Variants in FAN1 observed in about 807,000 individuals in gnomAD.
FAN1 encodes fanconi-associated nuclease 1.
FAN1 carries 91 observed loss-of-function variants against 104.9 expected under a neutral mutation model. The ratio of observed to expected loss-of-function variants is 0.87; its 90% CI spans 0.73 to 1.03. The LOEUF is 1.03. FAN1 is among the 50% of genes least tolerant of loss of function. FAN1 has a pLI of 0.00. For missense variants in FAN1, 1,263 were observed against 1,239.9 expected (o/e 1.02, Z -0.28); for synonymous variants, 478 against 457.6 (o/e 1.04, Z -0.57).
intron 13 of FAN1, among the ~76,000 whole-genome samples, chr15:30,931,525 C>G (rs1323695208): frequency 6.6e-6 from 1 of 152,164 alleles, no homozygotes; most frequent in Non-Finnish European, 1.5e-5. Context: ...AGAGTTTCTC[C>G]TTTGTTTTCT....
At chr15:30,935,965 G>C (rs947054505) in intron 13 of FAN1, among the ~76,000 whole-genome samples, 4 of 151,646 alleles carry the variant, frequency 2.6e-5, no homozygotes, top group African/African-American at 9.7e-5. Flanking sequence ...TTCAATCTTT[G>C]GGTTTACTGT....
chr15:30,909,499 T>C (rs1008561561), intron 3 of FAN1, among the ~76,000 whole-genome samples: 1 of 152,138 alleles, frequency 6.6e-6, no homozygotes, highest in African/African-American at 2.4e-5. Flanking sequence ...TGGTGCAGCT[T>C]CCGTAAATTC....
rs527985910 is a variant in FAN1 at position 30,941,361 on chromosome 15, T to C, written c.*4-205T>C. On this transcript the variant is annotated intron_variant, in intron 14 of 14. Transcript: ENST00000362065. ...TAAATATTAGTGCAAATTCCAACTA[T>C]TATTCTTACATATAAAGTTATTAGA... is the stretch of plus-strand genomic sequence containing the variant. 6 of 1,538,030 alleles carry C rather than the reference T, an allele frequency of 3.9e-6. No homozygotes were observed. In the East Asian group the frequency reaches 1.2e-4, roughly 31 times the overall value.
rs746922259 is a variant in FAN1, at chr15:30,905,659, A to G, written c.996A>G (p.Ala332=). 11 of 1,614,070 alleles carry G rather than the reference A, an allele frequency of 6.8e-6. No homozygotes were observed. In the Admixed American group the frequency reaches 1.3e-4, roughly 20 times the overall value. The stretch of plus-strand genomic sequence containing the variant: ...ATAGTTCTGCAGATGATGCTTCTGC[A>G]TGGAGTAACATCCAAGAGGCTCCTC... ...KSHSSADDAS[A]WSNIQEAPLQ... Residue 332 remains alanine (A), a synonymous_variant, in exon 2 of 15, where the codon GCA becomes GCG. Coordinates refer to ENST00000362065, the MANE Select transcript of FAN1 (RefSeq NM_014967.5).
rs115204082 is a variant in FAN1, at chr15:30,938,381, T to C, written c.*3+1122T>C. 8.7e-3 allele frequency among the ~76,000 whole-genome samples: 1,330 copies of C among 152,282 alleles called. 20 individuals are homozygous for C. The highest frequency in any genetic ancestry group is 0.03 in the African/African-American group (1,237 of 41,558). ...TAGGAATCAAAACATTCTCATGAAG[T>C]TGTGTTGATTTATAACATGTAAATG... is the stretch of plus-strand genomic sequence containing the variant. On this transcript the variant is annotated intron_variant, in intron 14 of 14. Coordinates refer to ENST00000362065, the MANE Select transcript of FAN1 (RefSeq NM_014967.5).
At chr15:30,908,465 T>C (rs1417032311) in intron 3 of FAN1, among the ~76,000 whole-genome samples, 7 of 152,212 alleles carry the variant, frequency 4.6e-5, no homozygotes, top group Non-Finnish European at 8.8e-5. Context: ...ACTAGAATAA[T>C]GAGAGATGGT....
intron 3 of FAN1, among the ~76,000 whole-genome samples, chr15:30,908,710 G>A (rs940827751): frequency 2.6e-5 from 4 of 152,176 alleles, no homozygotes; most frequent in Non-Finnish European, 2.9e-5. Flanking sequence ...GTGTGGTGGC[G>A]CATGCCTGTA....
chr15:30,911,562 C>T, intron 4 of FAN1: 2 of 967,678 alleles, frequency 2.1e-6, no homozygotes, highest in Non-Finnish European at 2.5e-6. Flanking sequence ...ATATAAATAC[C>T]AACACTTGAA....
chr15:30,918,073 T>C (rs750863865), intron 5 of FAN1, 91 bp from the exon 6 acceptor site: 9 of 1,319,832 alleles, frequency 6.8e-6, no homozygotes, highest in Non-Finnish European at 9.6e-6. Context: ...AACACACTTT[T>C]ACCTTTCAGA....
chr15:30,905,813 A>C lies in FAN1; in HGVS notation c.1150A>C (p.Lys384Gln). The C allele has an allele frequency of 6.2e-7, 1 of 1,614,220 alleles. No individual in the cohort carries two copies. The highest frequency in any genetic ancestry group is 1.1e-5 in the South Asian group (1 of 91,082). ...YYLRSFLVVL[K>Q]TVLENEDDML... ...CCTTCGGAGTTTCCTTGTGGTGCTGAAAACCGTACTTGAGAATGAAGATGA... is the reference window on the plus strand; with the variant it reads ...CCTTCGGAGTTTCCTTGTGGTGCTGCAAACCGTACTTGAGAATGAAGATGA... The change falls in exon 2 of 15, where the codon AAA becomes CAA. Residue 384 changes from lysine to glutamine, a missense_variant. Around this residue, in one of 2 missense-constraint regions of FAN1, gnomAD observed 682 missense variants for 571.1 expected, o/e 1.19. Transcript: ENST00000362065.
chr15:30,925,329 C>T (rs768150505), intron 9 of FAN1, 38 bp downstream of exon 9: 30 of 1,579,186 alleles, frequency 1.9e-5, no homozygotes, highest in South Asian at 3.4e-5. Flanking sequence ...GACTTAGGCG[C>T]GTGTACCTGG....
chr15:30,905,601 A>C lies in FAN1; in HGVS notation c.938A>C (p.Lys313Thr). 2 of 1,614,120 alleles carry C rather than the reference A, an allele frequency of 1.2e-6. No homozygotes were observed. The highest frequency in any genetic ancestry group is 1.7e-6 in the Non-Finnish European group (2 of 1,179,956). Residue 313 changes from lysine to threonine, a missense_variant, in exon 2 of 15, where the codon AAA (lysine) becomes ACA (threonine). By Grantham distance (78) the Lys-to-Thr change is moderately conservative. Around this residue, in one of 2 missense-constraint regions of FAN1, gnomAD observed 682 missense variants for 571.1 expected, o/e 1.19. Transcript: ENST00000362065. ...AAAATGACTGTTGCTTCAGAAGCTA[A>C]AATACAGCTGTCAGATTCAGAGGCA... The part of the protein sequence containing the change: ...EVKMTVASEA[K>T]IQLSDSEAKS...
In FAN1 at chr15:30,925,904, C is replaced by T; in HGVS notation, c.2453C>T (p.Ala818Val). ...TTVLCSVEEL[A>V]LAHYRRSGFD... is the part of the protein sequence containing the mutation. The stretch of plus-strand genomic sequence containing the variant: ...GTCCTGTGCTCTGTGGAGGAGCTGG[C>T]ACTGGCCCATTACAGACGCAGCGGT... The change falls in exon 10 of 15, where the codon GCA (alanine) becomes GTA (valine). Residue 818 changes from alanine (A) to valine (V), a missense_variant. By Grantham distance (64) the Ala-to-Val change is moderately conservative. Transcript: ENST00000362065. The T allele has an allele frequency of 6.2e-7, 1 of 1,614,230 alleles. No individual in the cohort carries two copies. Among genetic ancestry groups the T allele is most frequent in the Non-Finnish European group, 8.5e-7 (1 of 1,180,046 alleles).
chr15:30,924,333 T>A (rs2062406819), intron 8 of FAN1, among the ~76,000 whole-genome samples: 1 of 152,168 alleles, frequency 6.6e-6, no homozygotes, highest in Non-Finnish European at 1.5e-5. Context: ...TGGTTTCAAT[T>A]CTTTTGGGAA....
In FAN1 at chr15:30,910,727, GTGGACGCC is replaced by G. The variant is rs1296389740; in HGVS notation, c.1491_1498del (p.Asp498SerfsTer16). ...TCCCAATGGACAGAAACAGCAGCTG[GTGGACGCC>G]TTTCTCAAATTGGCCAAACAGCGTT... On this transcript the variant is annotated frameshift_variant, in exon 4 of 15. Transcript: ENST00000362065. LOFTEE classifies it high-confidence loss of function. The G allele has an allele frequency of 1.2e-6, 2 of 1,614,110 alleles. No individual in the cohort carries two copies. The highest frequency in any genetic ancestry group is 2.2e-5 in the South Asian group (2 of 91,082).
At position 30,942,657 on chromosome 15, in the gene FAN1, G is replaced by T; in HGVS notation, c.*1095G>T. The T allele has an allele frequency of 4.1e-6, 2 of 485,450 alleles. No individual in the cohort carries two copies. Among genetic ancestry groups the T allele is most frequent in the Non-Finnish European group, 7.2e-6 (2 of 279,108 alleles). The allele number at this position is 485,450 out of a possible 1,614,324, so 30.1% of individuals were successfully genotyped here. ...AATGGGGCTTTAGTAAATCAGGCTT[G>T]CAGGCTCAAAGCTGCAATCTGCCCA... is the stretch of plus-strand genomic sequence containing the variant. On this transcript the variant is annotated 3_prime_UTR_variant, in exon 15 of 15. Coordinates refer to ENST00000362065, the MANE Select transcript of FAN1 (RefSeq NM_014967.5).
intron 14 of FAN1, among the ~76,000 whole-genome samples, chr15:30,937,595 G>C (rs1356479246): frequency 1.3e-5 from 2 of 151,566 alleles, no homozygotes; most frequent in African/African-American, 4.8e-5. Context: ...GGGACTACAG[G>C]TGTGCGCCAC....
At chr15:30,922,437 T>TTTACATGTTCTAA in intron 8 of FAN1, 83 bp downstream of exon 8, 12 of 1,337,992 alleles carry the variant, frequency 9.0e-6, no homozygotes, top group Non-Finnish European at 1.2e-5. Flanking sequence ...TGCCTTAAAA[T>TTTACATGTTCTAA]TTACATGTAA....
intron 13 of FAN1, among the ~76,000 whole-genome samples, chr15:30,931,140 T>C (rs1206802201): frequency 1.3e-5 from 2 of 152,196 alleles, no homozygotes; most frequent in Non-Finnish European, 2.9e-5. Flanking sequence ...TTAGTTCACA[T>C]TGCATGCCTG....
Sources: gnomAD v4.1 joint callset for allele counts (sites outside exome capture counted in the v4.1 genomes callset) on GRCh38, gnomAD v4.1.1 for gene constraint, gnomAD v4.1.1 regional missense constraint, MANE v1.5 for transcripts, NCBI Gene and HGNC (gene_info 2026-07-23, HGNC 2026-07-21) for gene names.